Variants in CDK19 observed in about 807,000 individuals in gnomAD.
The protein encoded by CDK19 is cyclin dependent kinase 19.
In CDK19, 20 loss-of-function variants were observed where a neutral mutation model predicts 68.3. The ratio of observed to expected loss-of-function variants is 0.29; its 90% CI spans 0.21 to 0.43. CDK19 has a LOEUF of 0.43. Ranked by LOEUF, CDK19 falls within the 20% of genes least tolerant of loss-of-function variation. The pLI, the probability that CDK19 is intolerant of heterozygous loss-of-function variation, is 1.00. For missense variants in CDK19, 339 were observed against 623.5 expected, an observed-to-expected ratio of 0.54 and a Z score of 4.86; for synonymous variants, 221 against 222.8, an observed-to-expected ratio of 0.99 and a Z score of 0.07.
chr6:110,675,673 C>T (rs569364203), intron 2 of CDK19, among the ~76,000 whole-genome samples: 2 of 151,282 alleles, frequency 1.3e-5, no homozygotes, highest in South Asian at 4.2e-4. Context: ...TCTACTCTAC[C>T]TGTGCTCCAT....
chr6:110,746,412 A>G (rs1778082852), intron 1 of CDK19, among the ~76,000 whole-genome samples: 1 of 152,218 alleles, frequency 6.6e-6, no homozygotes, highest in South Asian at 2.1e-4. Context: ...CATCAGACAC[A>G]GCGAAAACAC....
At chr6:110,668,761 G>A (rs1042659593) in intron 3 of CDK19, among the ~76,000 whole-genome samples, 2 of 152,006 alleles carry the variant, frequency 1.3e-5, no homozygotes, top group African/African-American at 4.8e-5. Flanking sequence ...GAACCCAGAA[G>A]GCGGAGGTTG....
intron 4 of CDK19, among the ~76,000 whole-genome samples, chr6:110,650,128 A>C (rs1441228254): frequency 6.6e-6 from 1 of 152,250 alleles, no homozygotes; most frequent in Non-Finnish European, 1.5e-5. Context: ...AAAGAAAGCA[A>C]GATTTAAGAC....
intron 8 of CDK19, among the ~76,000 whole-genome samples, chr6:110,624,241 G>A (rs1293187343): frequency 2.0e-5 from 3 of 152,190 alleles, no homozygotes; most frequent in Admixed American, 6.5e-5. Flanking sequence ...TGGGAGGGAT[G>A]TGGATAGGGA....
rs748006125 is a variant in CDK19, at chr6:110,815,162, G to C, written c.-26C>G. 1 of 1,564,438 alleles carries C rather than the reference G, an allele frequency of 6.4e-7. No homozygotes were observed. Among genetic ancestry groups the C allele is most frequent in the South Asian group, 1.2e-5 (1 of 86,242 alleles). ...TGTCTGCTTCCCCCATAGAGGCACG[G>C]GACGCGGGGGCCGCCGCCGCTCAGT... On this transcript the variant is annotated 5_prime_UTR_variant, in exon 1 of 13. Coordinates refer to ENST00000368911, the MANE Select transcript of CDK19 (RefSeq NM_015076.5).
At chr6:110,696,867 T>C (rs1773527673) in intron 2 of CDK19, among the ~76,000 whole-genome samples, 1 of 152,056 alleles carries the variant, frequency 6.6e-6, no homozygotes, top group South Asian at 2.1e-4. Flanking sequence ...GAGACCAGCC[T>C]GGGCAACATG....
At chr6:110,714,719 TTTC>T (rs952152580) in intron 2 of CDK19, among the ~76,000 whole-genome samples, 1 of 29,162 alleles carries the variant, frequency 3.4e-5, no homozygotes, top group Non-Finnish European at 9.9e-5. Context: ...AAAAATGTCT[TTTC>T]TTTTTTTTTT....
intron 2 of CDK19, among the ~76,000 whole-genome samples, chr6:110,705,762 C>T (rs1403885572): frequency 6.6e-6 from 1 of 152,078 alleles, no homozygotes; most frequent in Non-Finnish European, 1.5e-5. Context: ...GGAACAGAAA[C>T]CAAATGCCAC....
At position 110,732,794 on chromosome 6, in the gene CDK19, G is replaced by T. The variant is rs370872859; in HGVS notation, c.204+13332C>A. On this transcript the variant is annotated intron_variant, in intron 2 of 12. Coordinates refer to ENST00000368911, the MANE Select transcript of CDK19 (RefSeq NM_015076.5). ...ATATACAACATTTTGTCCAGGAAGG[G>T]TGGCTCACACCTGTAATCCCAGCAC... Among the ~76,000 whole-genome samples the T allele has an allele frequency of 2.6e-5, 4 of 152,232 alleles. No individual in the cohort carries two copies. In the South Asian group the frequency reaches 8.3e-4, roughly 32 times the overall value.
chr6:110,618,929 A>C (rs1296034972), intron 12 of CDK19, among the ~76,000 whole-genome samples: 2 of 152,148 alleles, frequency 1.3e-5, no homozygotes, highest in Non-Finnish European at 2.9e-5. Flanking sequence ...ACTGCCTGAG[A>C]CACTGGCCCT....
intron 4 of CDK19, among the ~76,000 whole-genome samples, chr6:110,665,741 C>A (rs956593011): frequency 6.6e-6 from 1 of 152,096 alleles, no homozygotes; most frequent in Non-Finnish European, 1.5e-5. Context: ...ATCATGTACC[C>A]AATAATCTTT....
chr6:110,766,984 A>C lies in CDK19; in HGVS notation c.129-20783T>G, dbSNP rs1160313747. On this transcript the variant is annotated intron_variant, in intron 1 of 12. Coordinates refer to ENST00000368911, the MANE Select transcript of CDK19 (RefSeq NM_015076.5). ...CCTTGTCTCTACTAAAAATTCCAAA[A>C]TAAGATGGGCATTGTGGTGCGTGTC... Among the ~76,000 whole-genome samples, 7 of 151,866 alleles carry C rather than the reference A, an allele frequency of 4.6e-5. No individual in the cohort carries two copies. The East Asian group carries it at 1.4e-3, about 30-fold the overall frequency.
At chr6:110,789,828 C>G (rs1203198319) in intron 1 of CDK19, among the ~76,000 whole-genome samples, 1 of 152,038 alleles carries the variant, frequency 6.6e-6, no homozygotes, top group African/African-American at 2.4e-5. Context: ...TTAATTTTTT[C>G]CATATTTCTA....
At chr6:110,761,248 C>T (rs1456449302) in intron 1 of CDK19, among the ~76,000 whole-genome samples, 2 of 152,140 alleles carry the variant, frequency 1.3e-5, no homozygotes, top group African/African-American at 2.4e-5. Context: ...CTGCCCAGCA[C>T]ACAATCTGTG....
Position 110,746,199 on chromosome 6 carries a change from T to C in CDK19, c.131A>G (p.Lys44Arg). Reference protein sequence around the residue: ...HVYKARRKDGKDEKEYALKQI... With the variant: ...HVYKARRKDGRDEKEYALKQI... ...CTTCAATGCATATTCCTTTTCATCT[T>C]TTCTGCACATAAACAAAAAAACATC... The change falls in exon 2 of 13, where the codon AAA becomes AGA. Residue 44 changes from lysine (K) to arginine (R), a missense_variant and splice_region_variant. Around this residue, in one of 4 missense-constraint regions of CDK19, gnomAD observed 120 missense variants for 224.0 expected, o/e 0.54. Transcript: ENST00000368911. 6.3e-7 allele frequency: 1 copy of C among 1,585,704 alleles called. No individual in the cohort carries two copies.
intron 1 of CDK19, among the ~76,000 whole-genome samples, chr6:110,777,837 TACA>T (rs1161810204): frequency 1.3e-5 from 2 of 152,196 alleles, no homozygotes; most frequent in South Asian, 2.1e-4. Flanking sequence ...TGACACATGC[TACA>T]ACAAGCTTGA....
At chr6:110,805,605 C>T (rs1300303473) in intron 1 of CDK19, among the ~76,000 whole-genome samples, 1 of 152,050 alleles carries the variant, frequency 6.6e-6, no homozygotes, top group East Asian at 1.9e-4. Context: ...AAAGTTGGCC[C>T]TCATATACGC....
chr6:110,619,553 T>C (rs1483534332), intron 12 of CDK19, among the ~76,000 whole-genome samples: 3 of 151,656 alleles, frequency 2.0e-5, no homozygotes, highest in African/African-American at 7.3e-5. Flanking sequence ...GACCTTGGGC[T>C]TTCCTCTGTC....
chr6:110,735,394 T>C (rs1777173095), intron 2 of CDK19, among the ~76,000 whole-genome samples: 2 of 152,208 alleles, frequency 1.3e-5, no homozygotes, highest in South Asian at 4.1e-4. Context: ...AAGTAAATTC[T>C]TGCATTTATT....
Sources: allele counts gnomAD v4.1 joint callset (sites outside exome capture counted in the v4.1 genomes callset), GRCh38; gene constraint gnomAD v4.1.1; regional missense constraint gnomAD v4.1.1; transcripts MANE v1.5; gene names NCBI Gene and HGNC (gene_info 2026-07-23, HGNC 2026-07-21).